MGAT4C: variants seen among roughly 807,000 people sequenced by gnomAD.
The protein encoded by MGAT4C is alpha-1,3-mannosyl-glycoprotein 4-beta-N-acetylglucosaminyltransferase C.
In MGAT4C, 19 loss-of-function variants were observed where a neutral mutation model predicts 40.1. The ratio of observed to expected loss-of-function variants is 0.47; its 90% CI spans 0.33 to 0.70. The LOEUF is 0.70. Ranked by LOEUF, MGAT4C falls within the 30% of genes least tolerant of loss-of-function variation. The probability of loss-of-function intolerance (pLI) is 0.02; values close to 1 mark genes in which losing one functional copy is unlikely to be tolerated. For missense variants in MGAT4C, 491 were observed against 563.2 expected (o/e 0.87, Z 1.30); for synonymous variants, 181 against 187.1 (o/e 0.97, Z 0.27).
At chr12:86,523,692 G>A (rs2136362741) in intron 2 of MGAT4C, among the ~76,000 whole-genome samples, 1 of 152,252 alleles carries the variant, frequency 6.6e-6, no homozygotes, top group African/African-American at 2.4e-5. Flanking sequence ...GGGTTGTAAA[G>A]CATCTCACTA....
intron 3 of MGAT4C, among the ~76,000 whole-genome samples, chr12:86,367,099 G>A (rs1476424076): frequency 6.6e-6 from 1 of 151,970 alleles, no homozygotes; most frequent in Non-Finnish European, 1.5e-5. Flanking sequence ...CAGGAGCACT[G>A]TCATCTCAGA....
chr12:86,578,199 C>T (rs929747592), intron 2 of MGAT4C, among the ~76,000 whole-genome samples: 29 of 151,772 alleles, frequency 1.9e-4, no homozygotes, highest in Non-Finnish European at 3.1e-4. Flanking sequence ...AATGCTAATG[C>T]ATAGGCAGAA....
chr12:86,683,464 A>C (rs57514606), intron 2 of MGAT4C, among the ~76,000 whole-genome samples: 46 of 152,180 alleles, frequency 3.0e-4, no homozygotes, highest in African/African-American at 1.0e-3. Flanking sequence ...CCTTTCAACT[A>C]CTTCTTCCCA....
intron 2 of MGAT4C, among the ~76,000 whole-genome samples, chr12:86,047,807 T>C (rs1442556444): frequency 6.6e-6 from 1 of 152,152 alleles, no homozygotes; most frequent in African/African-American, 2.4e-5. Flanking sequence ...AAGCAGTTAG[T>C]ATAAAATTGG....
chr12:86,230,632 C>T (rs1346245500), intron 1 of MGAT4C, among the ~76,000 whole-genome samples: 2 of 152,032 alleles, frequency 1.3e-5, no homozygotes, highest in Non-Finnish European at 2.9e-5. Flanking sequence ...GCCAACATAT[C>T]GTTTGCCAGT....
chr12:86,366,230 T>C (rs1955592966), intron 3 of MGAT4C, among the ~76,000 whole-genome samples: 2 of 152,212 alleles, frequency 1.3e-5, no homozygotes, highest in African/African-American at 4.8e-5. Flanking sequence ...ACTGATTTTG[T>C]ACATTGATTT....
chr12:86,144,535 T>A (rs1165796481), intron 1 of MGAT4C, among the ~76,000 whole-genome samples: 3 of 152,164 alleles, frequency 2.0e-5, no homozygotes, highest in Non-Finnish European at 4.4e-5. Flanking sequence ...TTGTCATTCT[T>A]TTAATATAGT....
At chr12:86,808,758 C>T (rs1952412769) in intron 1 of MGAT4C, among the ~76,000 whole-genome samples, 2 of 151,884 alleles carry the variant, frequency 1.3e-5, no homozygotes, top group South Asian at 2.1e-4. Flanking sequence ...CGCAACATAG[C>T]ATTGGAAGTT....
intron 1 of MGAT4C, among the ~76,000 whole-genome samples, chr12:86,191,669 A>C (rs951504351): frequency 7.3e-6 from 1 of 136,550 alleles, no homozygotes; most frequent in Non-Finnish European, 1.5e-5. Flanking sequence ...ACACACACAC[A>C]CACACCCTTA....
chr12:86,571,068 G>A (rs1182118576), intron 2 of MGAT4C, among the ~76,000 whole-genome samples: 1 of 152,048 alleles, frequency 6.6e-6, no homozygotes, highest in African/African-American at 2.4e-5. Flanking sequence ...ACCCACCTCG[G>A]CTTCCCAAAG....
chr12:86,582,411 A>G (rs967990801), intron 2 of MGAT4C, among the ~76,000 whole-genome samples: 4 of 151,360 alleles, frequency 2.6e-5, no homozygotes, highest in African/African-American at 9.7e-5. Flanking sequence ...CACAGTCAGA[A>G]GAACAAAGCT....
chr12:85,974,965 T>G lies in MGAT4C; in HGVS notation c.*4324A>C, dbSNP rs1883866665. The G allele has an allele frequency of 6.6e-6, 1 of 150,584 alleles. No homozygotes were observed. The highest frequency in any genetic ancestry group is 2.4e-5 in the African/African-American group (1 of 41,364). 9.3% of individuals were successfully genotyped at this position (150,584 alleles called of 1,614,324 possible). A position where few individuals can be genotyped will look rare whatever the true frequency, so the allele number is the denominator to read the frequency against. ...AAAAAAGTAAAAAGATTCTGAAGAC[T>G]GCATTTCTGAGCTTAAGGTAGATTC... On this transcript the variant is annotated 3_prime_UTR_variant, in exon 5 of 5. Coordinates refer to ENST00000611864, the MANE Select transcript of MGAT4C (RefSeq NM_001351288.2).
chr12:86,577,522 A>G (rs1300982144), intron 2 of MGAT4C, among the ~76,000 whole-genome samples: 1 of 151,678 alleles, frequency 6.6e-6, no homozygotes, highest in African/African-American at 2.4e-5. Context: ...ATAAAGGGAC[A>G]TTCTTCAGCA....
At chr12:86,740,698 C>A (rs1951056438) in intron 1 of MGAT4C, among the ~76,000 whole-genome samples, 1 of 151,052 alleles carries the variant, frequency 6.6e-6, no homozygotes, top group Admixed American at 6.6e-5. Flanking sequence ...TCCTCATGGC[C>A]TTCAATAGAG....
At chr12:86,681,504 C>T (rs186395268) in intron 2 of MGAT4C, among the ~76,000 whole-genome samples, 128 of 151,692 alleles carry the variant, frequency 8.4e-4, no homozygotes, top group African/African-American at 2.9e-3. Context: ...AAATTTCATC[C>T]ACCCACTCAC....
At chr12:86,142,687 G>C (rs1882995734) in intron 1 of MGAT4C, among the ~76,000 whole-genome samples, 1 of 151,872 alleles carries the variant, frequency 6.6e-6, no homozygotes, top group Admixed American at 6.6e-5. Flanking sequence ...GGTAGGGATG[G>C]AGAGAGGCAT....
intron 3 of MGAT4C, among the ~76,000 whole-genome samples, chr12:86,394,317 G>A (rs148650399): frequency 2.6e-5 from 4 of 151,876 alleles, no homozygotes; most frequent in African/African-American, 7.2e-5. Flanking sequence ...ATTGGTTGTT[G>A]AAAATAAGTT....
At chr12:86,594,279 G>A (rs984400257) in intron 2 of MGAT4C, among the ~76,000 whole-genome samples, 2 of 152,154 alleles carry the variant, frequency 1.3e-5, no homozygotes, top group Non-Finnish European at 2.9e-5. Flanking sequence ...TATAGTGTCT[G>A]TATCAGTCTG....
At chr12:86,619,041 T>TA (rs1304794830) in intron 2 of MGAT4C, among the ~76,000 whole-genome samples, 4 of 152,030 alleles carry the variant, frequency 2.6e-5, no homozygotes, top group Non-Finnish European at 5.9e-5. Flanking sequence ...ACTATTTACA[T>TA]AGAGTTGTAT....
Sources: gnomAD v4.1 joint callset for allele counts (sites outside exome capture counted in the v4.1 genomes callset) on GRCh38, gnomAD v4.1.1 for gene constraint, MANE v1.5 for transcripts, NCBI Gene and HGNC (gene_info 2026-07-23, HGNC 2026-07-21) for gene names.